TAFA1: variants seen among roughly 807,000 people sequenced by gnomAD.
TAFA1 encodes TAFA chemokine like family member 1, also known as chemokine-like protein TAFA-1.
Under a neutral mutation model 18.5 loss-of-function variants are expected in TAFA1, and 4 were observed. The observed-to-expected ratio is 0.22, with a 90% CI of 0.11 to 0.49. The LOEUF (loss-of-function observed/expected upper bound fraction) is 0.49. TAFA1 is among the 20% of genes least tolerant of loss of function. The probability of loss-of-function intolerance (pLI) is 0.98; values close to 1 mark genes in which losing one functional copy is unlikely to be tolerated. For missense variants in TAFA1, 147 were observed against 169.0 expected, an observed-to-expected ratio of 0.87 and a Z score of 0.72; for synonymous variants, 56 against 55.2, an observed-to-expected ratio of 1.01 and a Z score of -0.06.
intron 3 of TAFA1, among the ~76,000 whole-genome samples, chr3:68,517,092 T>C (rs1305850568): frequency 6.6e-6 from 1 of 152,172 alleles, no homozygotes; most frequent in African/African-American, 2.4e-5. Flanking sequence ...CTGTTTCCAT[T>C]TCCTTCTATC....
intron 3 of TAFA1, among the ~76,000 whole-genome samples, chr3:68,535,425 C>A (rs1238905646): frequency 4.0e-5 from 6 of 149,158 alleles, no homozygotes; most frequent in Admixed American, 6.8e-5. Flanking sequence ...TCATTCTATA[C>A]CCTGTGGAGG....
At chr3:68,254,105 C>CTATGTATGTATGTATGTATG (rs60606466) in intron 2 of TAFA1, among the ~76,000 whole-genome samples, 2,793 of 144,738 alleles carry the variant, frequency 0.019, 56 homozygotes, top group East Asian at 0.084. Context: ...ATCTACCTGT[C>CTATGTATGTATGTATGTATG]TATGTATGTA....
At chr3:68,230,816 A>G (rs777194769) in intron 2 of TAFA1, among the ~76,000 whole-genome samples, 9 of 152,184 alleles carry the variant, frequency 5.9e-5, no homozygotes, top group Non-Finnish European at 1.5e-5. Context: ...AAGCCAACTT[A>G]ACTGGGGTGA....
chr3:68,283,444 T>A (rs2067938527), intron 2 of TAFA1, among the ~76,000 whole-genome samples: 1 of 152,238 alleles, frequency 6.6e-6, no homozygotes, highest in Non-Finnish European at 1.5e-5. Flanking sequence ...TTATGCATAA[T>A]TTTTATATCT....
chr3:68,212,842 G>C (rs949476084), intron 2 of TAFA1, among the ~76,000 whole-genome samples: 1 of 151,854 alleles, frequency 6.6e-6, no homozygotes, highest in African/African-American at 2.4e-5. Flanking sequence ...TCTTTACTTG[G>C]TGCTGCACTG....
At chr3:68,306,635 C>A (rs2068427727) in intron 2 of TAFA1, among the ~76,000 whole-genome samples, 1 of 152,162 alleles carries the variant, frequency 6.6e-6, no homozygotes, top group South Asian at 2.1e-4. Flanking sequence ...ATCTGGATCT[C>A]CGAGGAGCTA....
intron 3 of TAFA1, among the ~76,000 whole-genome samples, chr3:68,443,996 C>T (rs2071432102): frequency 6.6e-6 from 1 of 152,160 alleles, no homozygotes; most frequent in South Asian, 2.1e-4. Flanking sequence ...AAGTGAGATC[C>T]TGCCAGGCAG....
intron 2 of TAFA1, among the ~76,000 whole-genome samples, chr3:68,042,720 T>A (rs1188497293): frequency 6.6e-6 from 1 of 152,202 alleles, no homozygotes; most frequent in Non-Finnish European, 1.5e-5. Context: ...ATAGTCTATG[T>A]GTTTATGCAC....
At chr3:68,457,688 A>C (rs768232073) in intron 3 of TAFA1, among the ~76,000 whole-genome samples, 1 of 152,204 alleles carries the variant, frequency 6.6e-6, no homozygotes, top group African/African-American at 2.4e-5. Flanking sequence ...ATTTTCAAAA[A>C]TATAATACAT....
At chr3:68,378,576 A>G (rs1400218722) in intron 2 of TAFA1, among the ~76,000 whole-genome samples, 2 of 152,132 alleles carry the variant, frequency 1.3e-5, no homozygotes, top group Non-Finnish European at 2.9e-5. Flanking sequence ...ATGAGTTAAG[A>G]CTTTGAGGAC....
At chr3:68,199,581 T>C (rs72922498) in intron 2 of TAFA1, among the ~76,000 whole-genome samples, 5,753 of 151,574 alleles carry the variant, frequency 0.038, 346 homozygotes, top group African/African-American at 0.13. Flanking sequence ...TTGTGAGATT[T>C]GTACTAAGTA....
At chr3:68,371,799 A>T (rs989340927) in intron 2 of TAFA1, among the ~76,000 whole-genome samples, 1 of 152,192 alleles carries the variant, frequency 6.6e-6, no homozygotes, top group African/African-American at 2.4e-5. Context: ...TTGGAGACAG[A>T]GAAGAGTGTT....
chr3:68,324,914 T>C (rs2068753124), intron 2 of TAFA1, among the ~76,000 whole-genome samples: 1 of 152,208 alleles, frequency 6.6e-6, no homozygotes. Context: ...TTATGGTCTA[T>C]GCTCAGACGT....
chr3:68,183,212 G>C (rs529427166), intron 2 of TAFA1, among the ~76,000 whole-genome samples: 7 of 152,218 alleles, frequency 4.6e-5, no homozygotes, highest in African/African-American at 1.7e-4. Flanking sequence ...AGTTATCCCA[G>C]GACCACTTAT....
intron 2 of TAFA1, among the ~76,000 whole-genome samples, chr3:68,359,872 C>T (rs758787875): frequency 1.6e-4 from 24 of 151,894 alleles, no homozygotes; most frequent in African/African-American, 5.1e-4. Flanking sequence ...GGAAGCATTT[C>T]GTAGAATCTA....
chr3:68,246,854 C>G (rs1301773766), intron 2 of TAFA1: 10 of 151,964 alleles, frequency 6.6e-5, no homozygotes, highest in Non-Finnish European at 1.2e-4. Flanking sequence ...CTCATTTTTC[C>G]TAGGTCAAAA....
chr3:68,027,044 A>C (rs1195714782), intron 2 of TAFA1, among the ~76,000 whole-genome samples: 1 of 151,996 alleles, frequency 6.6e-6, no homozygotes, highest in Non-Finnish European at 1.5e-5. Context: ...CTTTTAAAGA[A>C]TCCAAAACTG....
intron 3 of TAFA1, among the ~76,000 whole-genome samples, chr3:68,479,241 A>AAATATATAT (rs1353493315): frequency 1.1e-3 from 141 of 123,636 alleles, no homozygotes; most frequent in East Asian, 3.0e-3. Context: ...AAAAAAAAAA[A>AAATATATAT]ATATATATAT....
intron 3 of TAFA1, among the ~76,000 whole-genome samples, chr3:68,522,775 G>A (rs2073047410): frequency 1.3e-5 from 2 of 151,896 alleles, no homozygotes; most frequent in African/African-American, 4.8e-5. Flanking sequence ...CTTGAACTCA[G>A]GAGGTGGAGT....
Sources: allele counts gnomAD v4.1 joint callset (sites outside exome capture counted in the v4.1 genomes callset), GRCh38; gene constraint gnomAD v4.1.1; transcripts MANE v1.5; gene names NCBI Gene and HGNC (gene_info 2026-07-23, HGNC 2026-07-21).